ERP44: variants seen among roughly 807,000 people sequenced by gnomAD.
ERP44 encodes endoplasmic reticulum resident protein 44.
In ERP44, 25 loss-of-function variants were observed where a neutral mutation model predicts 53.4. The ratio of observed to expected loss-of-function variants is 0.47; its 90% CI spans 0.34 to 0.65. The LOEUF is 0.65. Ranked by LOEUF, ERP44 falls within the 30% of genes least tolerant of loss-of-function variation. The pLI, the probability that ERP44 is intolerant of heterozygous loss-of-function variation, is 0.01. For missense variants in ERP44, 338 were observed against 493.2 expected, an observed-to-expected ratio of 0.69 and a Z score of 2.98; for synonymous variants, 145 against 161.2, an observed-to-expected ratio of 0.90 and a Z score of 0.76.
At chr9:99,990,320 C>T (rs558842285) in intron 10 of ERP44, among the ~76,000 whole-genome samples, 4 of 152,218 alleles carry the variant, frequency 2.6e-5, no homozygotes, top group Non-Finnish European at 5.9e-5. Flanking sequence ...GATATCTCGG[C>T]AGAAACTCTG....
chr9:100,017,977 A>C (rs1830541629), intron 7 of ERP44, among the ~76,000 whole-genome samples: 1 of 152,050 alleles, frequency 6.6e-6, no homozygotes, highest in African/African-American at 2.4e-5. Context: ...GAGATAGAAA[A>C]GGCCTGAGAG....
Position 100,098,955 on chromosome 9 carries a change from G to C in ERP44, c.-115C>G. 1 of 802,610 alleles carries C rather than the reference G, an allele frequency of 1.2e-6. No individual in the cohort carries two copies. The highest frequency in any genetic ancestry group is 1.5e-5 in the South Asian group (1 of 64,892). The allele number at this position is 802,610 out of a possible 1,614,324, so 49.7% of individuals were successfully genotyped here. A position where few individuals can be genotyped will look rare whatever the true frequency, so the allele number is the denominator to read the frequency against. ...GCCGACGGCAGCGGAGGATTCTCCAGGCAGCGGCACCTCGTCCTCTCGACC... is the reference window on the plus strand; with the variant it reads ...GCCGACGGCAGCGGAGGATTCTCCACGCAGCGGCACCTCGTCCTCTCGACC... On this transcript the variant is annotated 5_prime_UTR_variant, in exon 1 of 12. Coordinates refer to ENST00000262455, the MANE Select transcript of ERP44 (RefSeq NM_015051.3).
intron 10 of ERP44, among the ~76,000 whole-genome samples, chr9:100,002,894 G>A (rs897209845): frequency 6.6e-6 from 1 of 152,008 alleles, no homozygotes; most frequent in African/African-American, 2.4e-5. Flanking sequence ...TTTTAAATAA[G>A]CTTTCTACCC....
chr9:100,088,322 G>A (rs1826509826), intron 1 of ERP44, among the ~76,000 whole-genome samples: 2 of 152,274 alleles, frequency 1.3e-5, no homozygotes, highest in South Asian at 2.1e-4. Context: ...CAATCACGCT[G>A]CTCTCCTTGC....
chr9:99,990,457 C>G (rs895714842), intron 10 of ERP44, among the ~76,000 whole-genome samples: 2 of 152,118 alleles, frequency 1.3e-5, no homozygotes, highest in African/African-American at 2.4e-5. Context: ...TACAGACAAG[C>G]AAATGCTGAG....
At chr9:100,063,073 CACAAA>C (rs1826170310) in intron 1 of ERP44, among the ~76,000 whole-genome samples, 1 of 14,754 alleles carries the variant, frequency 6.8e-5, no homozygotes, top group Non-Finnish European at 9.3e-5. Context: ...GACCCTGTCT[CACAAA>C]AAAAAAAAAA....
intron 4 of ERP44, among the ~76,000 whole-genome samples, chr9:100,034,065 G>C (rs1825825346): frequency 6.6e-6 from 1 of 152,102 alleles, no homozygotes; most frequent in Non-Finnish European, 1.5e-5. Context: ...GTTGCATAGG[G>C]GTTGGGTAAA....
At chr9:99,998,089 A>T (rs191872043) in intron 10 of ERP44, among the ~76,000 whole-genome samples, 341 of 152,324 alleles carry the variant, frequency 2.2e-3, no homozygotes, top group Non-Finnish European at 3.6e-3. Flanking sequence ...GTATAACAGG[A>T]ATGGTTAAAA....
At chr9:100,091,717 A>G (rs982431104) in intron 1 of ERP44, among the ~76,000 whole-genome samples, 4 of 152,202 alleles carry the variant, frequency 2.6e-5, no homozygotes, top group African/African-American at 9.7e-5. Flanking sequence ...TCCTCCACTG[A>G]GAAATAATTT....
In ERP44 at chr9:99,998,456, T is replaced by C. The variant is rs1830339088; in HGVS notation, c.1016+8050A>G. ...CTCCTTTCTGGGTGCCGGACCGTCA[T>C]CACACCTCTGCACTCTTCCTGGTCT... On this transcript the variant is annotated intron_variant, in intron 10 of 11. Transcript: ENST00000262455. 7.4e-6 allele frequency: 5 copies of C among 675,460 alleles called. No individual in the cohort carries two copies. The South Asian group carries it at 8.2e-5, about 11-fold the overall frequency. 41.8% of individuals were successfully genotyped at this position (675,460 alleles called of 1,614,324 possible). A position where few individuals can be genotyped will look rare whatever the true frequency, so the allele number is the denominator to read the frequency against.
intron 1 of ERP44, among the ~76,000 whole-genome samples, chr9:100,069,880 T>C (rs1297511988): frequency 6.6e-6 from 1 of 152,202 alleles, no homozygotes; most frequent in African/African-American, 2.4e-5. Context: ...TAAAAACTGA[T>C]GTTATCTGTG....
At chr9:100,082,871 A>G (rs1246128615) in intron 1 of ERP44, among the ~76,000 whole-genome samples, 5 of 152,174 alleles carry the variant, frequency 3.3e-5, no homozygotes, top group African/African-American at 7.2e-5. Flanking sequence ...TATATTTCAA[A>G]TAAATATAAA....
intron 1 of ERP44, among the ~76,000 whole-genome samples, chr9:100,066,745 C>A (rs1441113373): frequency 6.6e-6 from 1 of 152,190 alleles, no homozygotes; most frequent in African/African-American, 2.4e-5. Flanking sequence ...CTTTCAGTTT[C>A]GCATTAAGCT....
chr9:100,035,834 AACCACAATGAGATACC>A (rs1210595094), intron 4 of ERP44, among the ~76,000 whole-genome samples: 1 of 152,212 alleles, frequency 6.6e-6, no homozygotes, highest in Non-Finnish European at 1.5e-5. Context: ...TGCAAATCAA[AACCACAATGAGATACC>A]ACCCCATGCC....
chr9:100,056,297 A>C (rs1331120625), intron 3 of ERP44, among the ~76,000 whole-genome samples: 3 of 152,206 alleles, frequency 2.0e-5, no homozygotes, highest in Non-Finnish European at 4.4e-5. Flanking sequence ...ACTTTGAAAA[A>C]TGCTACCTTT....
chr9:99,995,241 T>A (rs1316464792), intron 10 of ERP44, among the ~76,000 whole-genome samples: 1 of 152,244 alleles, frequency 6.6e-6, no homozygotes, highest in African/African-American at 2.4e-5. Flanking sequence ...AGGAGCTTTT[T>A]AATAATTTGT....
At chr9:100,071,531 C>G (rs1048454832) in intron 1 of ERP44, among the ~76,000 whole-genome samples, 2 of 152,100 alleles carry the variant, frequency 1.3e-5, no homozygotes, top group African/African-American at 2.4e-5. Context: ...GAGTACTGTA[C>G]GTATTCTTGG....
intron 1 of ERP44, among the ~76,000 whole-genome samples, chr9:100,095,169 T>C (rs1000452860): frequency 5.3e-5 from 8 of 151,836 alleles, no homozygotes; most frequent in Non-Finnish European, 8.8e-5. Context: ...AACCTAACAA[T>C]ATATATGCAG....
intron 8 of ERP44, among the ~76,000 whole-genome samples, chr9:100,009,561 T>C (rs1322550148): frequency 6.6e-6 from 1 of 152,164 alleles, no homozygotes; most frequent in African/African-American, 2.4e-5. Context: ...CTCACATTTT[T>C]TCTTCCCCCA....
Sources: allele counts gnomAD v4.1 joint callset (sites outside exome capture counted in the v4.1 genomes callset), GRCh38; gene constraint gnomAD v4.1.1; transcripts MANE v1.5; gene names NCBI Gene and HGNC (gene_info 2026-07-23, HGNC 2026-07-21).